The following ACER2 variants were observed in gnomAD, a reference collection of about 807,000 sequenced individuals.
The protein encoded by ACER2 is alkaline ceramidase 2, also known as alkCDase 2.
Under a neutral mutation model 34.7 loss-of-function variants are expected in ACER2, and 26 were observed. The ratio of observed to expected loss-of-function variants is 0.75; its 90% CI spans 0.55 to 1.04. The LOEUF is 1.04. ACER2 is among the 50% of genes least tolerant of loss of function. The pLI is 0.00. For synonymous variants in ACER2, 138 were observed against 132.1 expected (o/e 1.04, Z -0.31); for missense variants, 352 against 340.8 (o/e 1.03, Z -0.26).
Position 19,409,051 on chromosome 9 carries a change from G to C in ACER2, c.-34G>C, listed in dbSNP as rs1830002704. On this transcript the variant is annotated 5_prime_UTR_variant, in exon 1 of 6. Coordinates refer to ENST00000340967, the MANE Select transcript of ACER2 (RefSeq NM_001010887.3). ...CAGCAGCTCTGGGCTCTTCTCAGCT[G>C]CGCGAGCAGCTGCTCCAATGCCCCG... is the stretch of plus-strand genomic sequence containing the variant. 1 of 1,533,650 alleles carries C rather than the reference G, an allele frequency of 6.5e-7. No individual in the cohort carries two copies. Among genetic ancestry groups the C allele is most frequent in the Admixed American group, 2.1e-5 (1 of 47,670 alleles).
chr9:19,429,286 A>G (rs1225507655), intron 3 of ACER2, among the ~76,000 whole-genome samples: 1 of 152,134 alleles, frequency 6.6e-6, no homozygotes, highest in Non-Finnish European at 1.5e-5. Flanking sequence ...TTATTTTAAG[A>G]AAAAAATGAG....
intron 4 of ACER2, among the ~76,000 whole-genome samples, chr9:19,437,389 C>T (rs1831011377): frequency 6.6e-6 from 1 of 152,190 alleles, no homozygotes; most frequent in African/African-American, 2.4e-5. Flanking sequence ...CTCCTGCCAC[C>T]TCAGGTGATT....
chr9:19,418,736 C>G (rs1391897979), intron 1 of ACER2, among the ~76,000 whole-genome samples: 1 of 152,002 alleles, frequency 6.6e-6, no homozygotes, highest in Non-Finnish European at 1.5e-5. Context: ...GGAGAAATAC[C>G]TAATGTAGAT....
At chr9:19,446,690 A>G (rs948643765) in intron 5 of ACER2, 2 of 954,502 alleles carry the variant, frequency 2.1e-6, no homozygotes, top group African/African-American at 3.5e-5. Flanking sequence ...ATTAAAGCCT[A>G]AAGGAGCTTG....
intron 5 of ACER2, among the ~76,000 whole-genome samples, chr9:19,447,203 A>T (rs1831401563): frequency 1.3e-5 from 2 of 152,218 alleles, no homozygotes; most frequent in African/African-American, 4.8e-5. Flanking sequence ...AATCTGCTGT[A>T]GGTTATCCCC....
intron 3 of ACER2, among the ~76,000 whole-genome samples, chr9:19,432,596 A>G (rs1396024953): frequency 6.7e-6 from 1 of 149,044 alleles, no homozygotes; most frequent in South Asian, 2.1e-4. Flanking sequence ...ATGATTTATT[A>G]AATATAATTT....
intron 3 of ACER2, 85 bp downstream of exon 3, chr9:19,424,926 G>T: frequency 6.5e-7 from 1 of 1,530,148 alleles, no homozygotes; most frequent in East Asian, 2.3e-5. Context: ...AATAGCACAT[G>T]ATTGAACTCA....
rs78912414 is a variant in ACER2 at position 19,440,059 on chromosome 9, T to A, written c.503+4975T>A. 2.6e-3 allele frequency among the ~76,000 whole-genome samples: 390 copies of A among 152,208 alleles called. 2 individuals carry two copies. Among genetic ancestry groups the A allele is most frequent in the African/African-American group, 9.1e-3 (376 of 41,514 alleles). ...CAATCTGGTTTCTGCCCCTACTTTG[T>A]TACCCAAATCCCTCTCTATAGGCTA... On this transcript the variant is annotated intron_variant, in intron 4 of 5. Coordinates refer to ENST00000340967, the MANE Select transcript of ACER2 (RefSeq NM_001010887.3).
At chr9:19,447,428 G>C (rs375343471) in intron 5 of ACER2, among the ~76,000 whole-genome samples, 1 of 152,154 alleles carries the variant, frequency 6.6e-6, no homozygotes, top group East Asian at 1.9e-4. Flanking sequence ...GGACTTCAAG[G>C]AGTGTTTGTA....
intron 2 of ACER2, chr9:19,424,434 C>A: frequency 1.0e-6 from 1 of 985,380 alleles, no homozygotes; most frequent in Non-Finnish European, 1.2e-6. Flanking sequence ...CCCAGAAAGG[C>A]TCAGTGGATG....
intron 3 of ACER2, among the ~76,000 whole-genome samples, chr9:19,428,786 T>TG (rs1830661816): frequency 7.7e-6 from 1 of 130,132 alleles, no homozygotes; most frequent in African/African-American, 3.0e-5. Context: ...GTTTTTTTTT[T>TG]TTTTTTTTTT....
At position 19,444,020 on chromosome 9, in the gene ACER2, T is replaced by G. The variant is rs1831248506; in HGVS notation, c.504-2261T>G. On this transcript the variant is annotated intron_variant, in intron 4 of 5. Coordinates refer to ENST00000340967, the MANE Select transcript of ACER2 (RefSeq NM_001010887.3). The stretch of plus-strand genomic sequence containing the variant: ...TAGTTTCAACTTGTGATGAGAGTTA[T>G]GAAGGAACATGGCAGGGTGCCCTGA... Among the ~76,000 whole-genome samples the G allele has an allele frequency of 2.0e-5, 3 of 152,008 alleles. No individual in the cohort carries two copies. The South Asian group carries it at 6.2e-4, about 32-fold the overall frequency.
In ACER2 at chr9:19,451,723, G is replaced by A. The variant is rs1831576012; in HGVS notation, c.*1087G>A. The stretch of plus-strand genomic sequence containing the variant: ...ACTTGACCTCTGTAAGTTTACCAAA[G>A]GGCTCCTCACAATTGTGGTGGGGGT... On this transcript the variant is annotated 3_prime_UTR_variant, in exon 6 of 6. Coordinates refer to ENST00000340967, the MANE Select transcript of ACER2 (RefSeq NM_001010887.3). The A allele has an allele frequency of 6.6e-6, 1 of 152,156 alleles. No individual in the cohort carries two copies. The highest frequency in any genetic ancestry group is 6.5e-5 in the Admixed American group (1 of 15,274). The allele number at this position is 152,156 out of a possible 1,614,324, so 9.4% of individuals were successfully genotyped here. A position where few individuals can be genotyped will look rare whatever the true frequency, so the allele number is the denominator to read the frequency against.
chr9:19,435,958 A>C (rs1183639679), intron 4 of ACER2, among the ~76,000 whole-genome samples: 2 of 152,060 alleles, frequency 1.3e-5, no homozygotes, highest in African/African-American at 4.8e-5. Flanking sequence ...CTGAGGCAGG[A>C]GAATGGTGTG....
intron 1 of ACER2, among the ~76,000 whole-genome samples, chr9:19,411,928 T>C (rs550441907): frequency 2.0e-4 from 31 of 152,304 alleles, no homozygotes; most frequent in African/African-American, 7.2e-4. Flanking sequence ...ATTTATTATA[T>C]CCATTTGATA....
chr9:19,446,341 C>A lies in ACER2; in HGVS notation c.564C>A (p.Ala188=). ...GLFSGLWWTL[A]LFCWISDRAF... is the part of the protein sequence containing the mutation. ...TCTCGGGCCTCTGGTGGACCCTGGCCCTGTTCTGCTGGATCAGTGACCGAG... is the reference window on the plus strand; with the variant it reads ...TCTCGGGCCTCTGGTGGACCCTGGCACTGTTCTGCTGGATCAGTGACCGAG... The change falls in exon 5 of 6, where the codon GCC becomes GCA. Residue 188 remains alanine (A), a synonymous_variant. Coordinates refer to ENST00000340967, the MANE Select transcript of ACER2 (RefSeq NM_001010887.3). The A allele has an allele frequency of 1.2e-6, 2 of 1,614,166 alleles. No individual in the cohort carries two copies. The highest frequency in any genetic ancestry group is 1.7e-6 in the Non-Finnish European group (2 of 1,180,042).
chr9:19,415,882 C>G (rs747619420), intron 1 of ACER2, among the ~76,000 whole-genome samples: 2 of 151,904 alleles, frequency 1.3e-5, no homozygotes, highest in Non-Finnish European at 2.9e-5. Flanking sequence ...AGCAAGTGAG[C>G]TAAATCTTTA....
chr9:19,416,883 C>T (rs1010509050), intron 1 of ACER2, among the ~76,000 whole-genome samples: 4 of 152,078 alleles, frequency 2.6e-5, no homozygotes, highest in Non-Finnish European at 4.4e-5. Context: ...TTTTAAAAGA[C>T]CCTCTTAAGG....
intron 3 of ACER2, among the ~76,000 whole-genome samples, chr9:19,425,974 C>T (rs1003053347): frequency 6.6e-6 from 1 of 152,188 alleles, no homozygotes; most frequent in African/African-American, 2.4e-5. Context: ...ACTAAGGCTG[C>T]TGCTATCTGT....
Sources: gnomAD v4.1 joint callset for allele counts (sites outside exome capture counted in the v4.1 genomes callset) on GRCh38, gnomAD v4.1.1 for gene constraint, MANE v1.5 for transcripts, NCBI Gene and HGNC (gene_info 2026-07-23, HGNC 2026-07-21) for gene names.